PCDH15: variants seen among roughly 807,000 people sequenced by gnomAD.
PCDH15 encodes the protein protocadherin related 15.
In PCDH15, 129 loss-of-function variants were observed where a neutral mutation model predicts 178.5. The observed-to-expected ratio is 0.72, with a 90% CI of 0.63 to 0.84. PCDH15 has a LOEUF of 0.84. Among genes scored for constraint, PCDH15 ranks in the 40% least tolerant of loss-of-function variants. The pLI, the probability that PCDH15 is intolerant of heterozygous loss-of-function variation, is 0.00. For missense variants in PCDH15, 2,230 were observed against 2,099.9 expected, an observed-to-expected ratio of 1.06 and a Z score of -1.21; for synonymous variants, 800 against 732.0, an observed-to-expected ratio of 1.09 and a Z score of -1.50.
chr10:54,384,571 C>T (rs954081967), intron 3 of PCDH15, among the ~76,000 whole-genome samples: 14 of 152,032 alleles, frequency 9.2e-5, no homozygotes, highest in African/African-American at 3.4e-4. Flanking sequence ...GTATGCTTGC[C>T]TACCCTTCTA....
At chr10:54,898,929 C>A (rs1246342461) in intron 2 of PCDH15, among the ~76,000 whole-genome samples, 1 of 151,952 alleles carries the variant, frequency 6.6e-6, no homozygotes, top group African/African-American at 2.4e-5. Context: ...CAATAAGAGA[C>A]AAAGGTACAA....
intron 2 of PCDH15, among the ~76,000 whole-genome samples, chr10:55,436,610 G>A (rs1419913858): frequency 1.3e-5 from 2 of 151,998 alleles, no homozygotes; most frequent in Non-Finnish European, 2.9e-5. Context: ...CTACCATCGA[G>A]AAGTTCAAGT....
At chr10:54,246,788 G>C (rs1282205250) in intron 8 of PCDH15, among the ~76,000 whole-genome samples, 1 of 151,892 alleles carries the variant, frequency 6.6e-6, no homozygotes, top group African/African-American at 2.4e-5. Flanking sequence ...CTATCACAGA[G>C]TAGGAGAATT....
At chr10:55,012,124 T>C (rs1840060062) in intron 2 of PCDH15, among the ~76,000 whole-genome samples, 1 of 152,144 alleles carries the variant, frequency 6.6e-6, no homozygotes, top group African/African-American at 2.4e-5. Flanking sequence ...CTTTGTATTG[T>C]ATCTCTTCCT....
chr10:54,523,872 A>C (rs1296952302), intron 3 of PCDH15, among the ~76,000 whole-genome samples: 2 of 152,200 alleles, frequency 1.3e-5, no homozygotes, highest in Non-Finnish European at 2.9e-5. Flanking sequence ...GAAATGAAAT[A>C]ACTGTTTACG....
chr10:54,703,885 T>C (rs1223043818), intron 1 of PCDH15, among the ~76,000 whole-genome samples: 2 of 152,072 alleles, frequency 1.3e-5, no homozygotes, highest in Non-Finnish European at 2.9e-5. Flanking sequence ...CAAAACAGCA[T>C]GGTATTGGTA....
chr10:54,431,746 T>C (rs1956992676), intron 3 of PCDH15, among the ~76,000 whole-genome samples: 1 of 152,046 alleles, frequency 6.6e-6, no homozygotes, highest in African/African-American at 2.4e-5. Context: ...GTACAGAATG[T>C]CCTAGGCAGA....
At chr10:53,865,621 C>T (rs1424041086) in intron 27 of PCDH15, among the ~76,000 whole-genome samples, 1 of 152,142 alleles carries the variant, frequency 6.6e-6, no homozygotes, top group South Asian at 2.1e-4. Context: ...ATGTCAAAAG[C>T]TTCTTGGCTT....
chr10:53,974,963 C>G (rs1269517170), intron 21 of PCDH15, among the ~76,000 whole-genome samples: 1 of 151,990 alleles, frequency 6.6e-6, no homozygotes, highest in Non-Finnish European at 1.5e-5. Context: ...TCTCCAGTAT[C>G]TATTGTTCCC....
At chr10:54,737,264 G>A (rs761287558) in intron 1 of PCDH15, among the ~76,000 whole-genome samples, 6 of 152,126 alleles carry the variant, frequency 3.9e-5, no homozygotes, top group Non-Finnish European at 8.8e-5. Context: ...AGAACCTGAA[G>A]TGGCACATAA....
Position 53,805,584 on chromosome 10 carries a change from T to TGAA in PCDH15, c.*992_*994dup. The TGAA allele has an allele frequency of 6.6e-6, 1 of 152,206 alleles. No individual in the cohort carries two copies. Among genetic ancestry groups the TGAA allele is most frequent in the African/African-American group, 2.4e-5 (1 of 41,558 alleles). The allele number at this position is 152,206 out of a possible 1,614,324, so 9.4% of individuals were successfully genotyped here. ...AATGGAAGAAGTTAAACACAACATT[T>TGAA]GAAGTTATGAATTCATAGCCTTTAT... On this transcript the variant is annotated 3_prime_UTR_variant, in exon 38 of 38. Coordinates refer to ENST00000644397, the MANE Select transcript of PCDH15 (RefSeq NM_001384140.1).
At chr10:54,523,647 T>C (rs114971808) in intron 3 of PCDH15, among the ~76,000 whole-genome samples, 9,681 of 152,220 alleles carry the variant, frequency 0.064, 326 homozygotes, top group Non-Finnish European at 0.084. Context: ...TAGGAAATAT[T>C]TTAAGTCCAA....
chr10:54,944,423 A>G (rs1838139621), intron 2 of PCDH15, among the ~76,000 whole-genome samples: 1 of 151,982 alleles, frequency 6.6e-6, no homozygotes, highest in South Asian at 2.1e-4. Flanking sequence ...ATTAAAAGGA[A>G]GGGATGTGGC....
At chr10:55,397,912 G>C (rs1057386545) in intron 2 of PCDH15, among the ~76,000 whole-genome samples, 5 of 152,028 alleles carry the variant, frequency 3.3e-5, no homozygotes, top group African/African-American at 1.2e-4. Flanking sequence ...TTACATTTGA[G>C]GAGGTCTAGT....
At chr10:53,877,292 G>C (rs977168499) in intron 26 of PCDH15, among the ~76,000 whole-genome samples, 1 of 151,904 alleles carries the variant, frequency 6.6e-6, no homozygotes, top group Non-Finnish European at 1.5e-5. Flanking sequence ...TGAGCTAATT[G>C]TTCTAACTTT....
intron 3 of PCDH15, among the ~76,000 whole-genome samples, chr10:54,875,043 AT>A (rs1303565494): frequency 2.0e-5 from 3 of 152,108 alleles, no homozygotes; most frequent in Non-Finnish European, 4.4e-5. Flanking sequence ...ACAGATTTTC[AT>A]TTTTTACAAA....
intron 8 of PCDH15, among the ~76,000 whole-genome samples, chr10:54,280,130 A>C (rs965206566): frequency 6.6e-6 from 1 of 151,788 alleles, no homozygotes; most frequent in Non-Finnish European, 1.5e-5. Context: ...GATAATTTAA[A>C]ATAATAAAAT....
rs191231011 is a variant in PCDH15 at position 55,047,641 on chromosome 10, A to C, written c.-80+118935T>G. Among the ~76,000 whole-genome samples the C allele has an allele frequency of 2.6e-5, 4 of 151,840 alleles. No homozygotes were observed. The East Asian group carries it at 7.7e-4, about 29-fold the overall frequency. ...ATGCAAGGGTACTTTAAGAGGTTTG[A>C]GTAGGAAAGTATTTATGGAGAATGG... is the stretch of plus-strand genomic sequence containing the variant. On this transcript the variant is annotated intron_variant, in intron 2 of 5. Transcript: ENST00000458638.
intron 2 of PCDH15, among the ~76,000 whole-genome samples, chr10:54,909,177 C>T (rs61854520): frequency 1.8e-4 from 27 of 152,022 alleles, no homozygotes; most frequent in African/African-American, 5.3e-4. Context: ...AAAGGCACCA[C>T]GAGTTCTCAC....
Sources: gnomAD v4.1 joint callset for allele counts (sites outside exome capture counted in the v4.1 genomes callset) on GRCh38, gnomAD v4.1.1 for gene constraint, MANE v1.5 for transcripts, NCBI Gene and HGNC (gene_info 2026-07-23, HGNC 2026-07-21) for gene names.